ARHGAP15: variants seen among roughly 807,000 people sequenced by gnomAD.
The protein encoded by ARHGAP15 is rho GTPase-activating protein 15.
Under a neutral mutation model 63.7 loss-of-function variants are expected in ARHGAP15, and 51 were observed. The observed-to-expected ratio is 0.80, with a 90% CI of 0.64 to 1.01. The LOEUF (loss-of-function observed/expected upper bound fraction) is 1.01. Ranked by LOEUF, ARHGAP15 falls within the 50% of genes least tolerant of loss-of-function variation. The pLI, the probability that ARHGAP15 is intolerant of heterozygous loss-of-function variation, is 0.00. For synonymous variants in ARHGAP15, 191 were observed against 193.8 expected (o/e 0.99, Z 0.12); for missense variants, 560 against 564.6 (o/e 0.99, Z 0.08).
chr2:143,410,740 G>C (rs779432543), intron 6 of ARHGAP15, among the ~76,000 whole-genome samples: 9 of 151,160 alleles, frequency 6.0e-5, no homozygotes, highest in Non-Finnish European at 1.2e-4. Context: ...AGCAGATACT[G>C]GAAATTTAAA....
At chr2:143,484,118 C>T (rs1452751609) in intron 8 of ARHGAP15, among the ~76,000 whole-genome samples, 1 of 151,986 alleles carries the variant, frequency 6.6e-6, no homozygotes. Flanking sequence ...AATCCCAGCA[C>T]TTTGGGAGGC....
At chr2:143,166,057 GAAAGA>G (rs1375896093) in intron 2 of ARHGAP15, among the ~76,000 whole-genome samples, 16 of 151,502 alleles carry the variant, frequency 1.1e-4, no homozygotes, top group South Asian at 2.1e-4. Flanking sequence ...AAGAAAGAAA[GAAAGA>G]AAAAAAATAT....
intron 11 of ARHGAP15, among the ~76,000 whole-genome samples, chr2:143,611,529 C>T (rs1175366540): frequency 3.9e-5 from 6 of 152,150 alleles, no homozygotes; most frequent in Non-Finnish European, 7.4e-5. Flanking sequence ...CAGCGGCTGG[C>T]ACATGACAGG....
intron 6 of ARHGAP15, among the ~76,000 whole-genome samples, chr2:143,275,731 C>G (rs1013928893): frequency 6.6e-6 from 1 of 152,088 alleles, no homozygotes; most frequent in Non-Finnish European, 1.5e-5. Context: ...TCCCTGGACC[C>G]GGTAGTCCTC....
intron 12 of ARHGAP15, among the ~76,000 whole-genome samples, chr2:143,643,454 G>C (rs1172478041): frequency 1.6e-5 from 2 of 123,094 alleles, no homozygotes; most frequent in East Asian, 5.5e-4. Context: ...AAAAGTTATA[G>C]AGTGTTACTG....
intron 6 of ARHGAP15, among the ~76,000 whole-genome samples, chr2:143,396,852 G>A (rs567598662): frequency 1.3e-5 from 2 of 152,102 alleles, no homozygotes. Context: ...GTGATTGTAG[G>A]AATATGTATA....
chr2:143,338,863 T>C (rs1684928258), intron 6 of ARHGAP15, among the ~76,000 whole-genome samples: 1 of 152,140 alleles, frequency 6.6e-6, no homozygotes, highest in Non-Finnish European at 1.5e-5. Flanking sequence ...CCTTTCTAAA[T>C]TTCAATTTGT....
chr2:143,571,111 G>T (rs1231655346), intron 11 of ARHGAP15, among the ~76,000 whole-genome samples: 1 of 152,196 alleles, frequency 6.6e-6, no homozygotes, highest in Non-Finnish European at 1.5e-5. Flanking sequence ...CTCCTTATGA[G>T]AATCTAATGC....
chr2:143,137,102 T>C (rs1573994679), intron 1 of ARHGAP15, among the ~76,000 whole-genome samples: 1 of 152,078 alleles, frequency 6.6e-6, no homozygotes. Flanking sequence ...CAAATTAGAT[T>C]CAATCTCCTT....
chr2:143,370,218 A>T (rs1008507138), intron 6 of ARHGAP15, among the ~76,000 whole-genome samples: 18 of 152,170 alleles, frequency 1.2e-4, no homozygotes, highest in Non-Finnish European at 2.5e-4. Flanking sequence ...GTGTTTCTTT[A>T]ATAACAAAAC....
chr2:143,536,094 G>A (rs1314211660), intron 10 of ARHGAP15, among the ~76,000 whole-genome samples: 1 of 152,112 alleles, frequency 6.6e-6, no homozygotes, highest in African/African-American at 2.4e-5. Context: ...AGGAATATAT[G>A]TCATCATTAA....
chr2:143,622,781 TAAAAAAAA>T (rs34925907), intron 11 of ARHGAP15, among the ~76,000 whole-genome samples: 7 of 109,040 alleles, frequency 6.4e-5, no homozygotes, highest in East Asian at 5.3e-4. Flanking sequence ...TTCATTTATT[TAAAAAAAA>T]AAAAAAAAAA....
At chr2:143,639,404 A>T (rs1392734066) in intron 12 of ARHGAP15, among the ~76,000 whole-genome samples, 3 of 152,138 alleles carry the variant, frequency 2.0e-5, no homozygotes, top group Non-Finnish European at 2.9e-5. Flanking sequence ...AAAAATTTTT[A>T]AAAGTAAAAT....
Position 143,364,082 on chromosome 2 carries a change from A to C in ARHGAP15, c.475-71519A>C, listed in dbSNP as rs1363579610. ...TTTCTAGAGTAGAGAAAGACCTTAT[A>C]AAGTATTTGATGTTGTCTTAAGAGG... On this transcript the variant is annotated intron_variant, in intron 6 of 13. Transcript: ENST00000295095. 2.6e-5 allele frequency among the ~76,000 whole-genome samples: 4 copies of C among 152,152 alleles called. No individual in the cohort carries two copies. In the East Asian group the frequency reaches 7.7e-4, roughly 29 times the overall value.
At chr2:143,435,197 T>C (rs1416032685) in intron 6 of ARHGAP15, 1 of 917,392 alleles carries the variant, frequency 1.1e-6, no homozygotes, top group African/African-American at 1.8e-5. Flanking sequence ...ATAGAGATAC[T>C]ATTAGATTTG....
intron 8 of ARHGAP15, among the ~76,000 whole-genome samples, chr2:143,477,694 G>C (rs1691887464): frequency 6.6e-6 from 1 of 151,848 alleles, no homozygotes; most frequent in African/African-American, 2.4e-5. Flanking sequence ...ATGGGTAGGA[G>C]AGAAAGGAAC....
intron 11 of ARHGAP15, among the ~76,000 whole-genome samples, chr2:143,610,913 G>C (rs1352677300): frequency 6.6e-6 from 1 of 152,002 alleles, no homozygotes; most frequent in East Asian, 1.9e-4. Context: ...ATTTTTAGTA[G>C]AGACGGGGTT....
At chr2:143,309,221 A>G (rs1372167763) in intron 6 of ARHGAP15, among the ~76,000 whole-genome samples, 1 of 152,138 alleles carries the variant, frequency 6.6e-6, no homozygotes, top group Non-Finnish European at 1.5e-5. Context: ...AGCAACAAAG[A>G]GCCTAGTCAA....
intron 5 of ARHGAP15, among the ~76,000 whole-genome samples, chr2:143,247,670 G>A (rs1694095361): frequency 6.6e-6 from 1 of 152,176 alleles, no homozygotes; most frequent in Non-Finnish European, 1.5e-5. Context: ...TCAAGGAAGA[G>A]TCAGTATCTC....
Sources: gnomAD v4.1 joint callset for allele counts (sites outside exome capture counted in the v4.1 genomes callset) on GRCh38, gnomAD v4.1.1 for gene constraint, MANE v1.5 for transcripts, NCBI Gene and HGNC (gene_info 2026-07-23, HGNC 2026-07-21) for gene names.